The following SDK1 variants were observed in gnomAD, a reference collection of about 807,000 sequenced individuals.
SDK1 encodes sidekick cell adhesion molecule 1.
In SDK1, 157 loss-of-function variants were observed where a neutral mutation model predicts 245.5. The observed-to-expected ratio is 0.64, with a 90% CI of 0.56 to 0.73. The LOEUF (loss-of-function observed/expected upper bound fraction) is 0.73, where lower values mean the gene tolerates loss of function less well. SDK1 is among the 30% of genes least tolerant of loss of function. The pLI is 0.00. For synonymous variants in SDK1, 1,647 were observed against 1,278.5 expected, an observed-to-expected ratio of 1.29 and a Z score of -6.15; for missense variants, 3,583 against 3,002.3, an observed-to-expected ratio of 1.19 and a Z score of -4.52.
intron 4 of SDK1, among the ~76,000 whole-genome samples, chr7:3,658,528 A>G (rs1783258013): frequency 6.6e-6 from 1 of 151,574 alleles, no homozygotes; most frequent in Non-Finnish European, 1.5e-5. Flanking sequence ...TACCTACCGT[A>G]ATGTTCACAT....
intron 13 of SDK1, among the ~76,000 whole-genome samples, chr7:3,975,510 C>A (rs1179124749): frequency 1.3e-5 from 2 of 152,222 alleles, no homozygotes; most frequent in Non-Finnish European, 2.9e-5. Flanking sequence ...AGTATAGGAG[C>A]CGTGACTCAT....
Position 3,509,559 on chromosome 7 carries a change from A to G in SDK1, c.299-109521A>G, listed in dbSNP as rs149949802. The stretch of plus-strand genomic sequence containing the variant: ...GGCCGTTGTGTTACCTCCATTTTAC[A>G]GTTCCCAAAGTGAGACCCAAATAGC... On this transcript the variant is annotated intron_variant, in intron 1 of 44. Coordinates refer to ENST00000404826, the MANE Select transcript of SDK1 (RefSeq NM_152744.4). Among the ~76,000 whole-genome samples, 416 of 152,278 alleles carry G rather than the reference A, an allele frequency of 2.7e-3. 3 individuals carry two copies. Among genetic ancestry groups the G allele is most frequent in the Non-Finnish European group, 4.7e-3 (321 of 68,016 alleles).
At chr7:3,597,357 C>G (rs1781100517) in intron 1 of SDK1, among the ~76,000 whole-genome samples, 1 of 151,874 alleles carries the variant, frequency 6.6e-6, no homozygotes, top group Non-Finnish European at 1.5e-5. Context: ...AAACTTCTCC[C>G]CTTTTGGTCA....
chr7:3,722,718 C>A (rs1257933599), intron 4 of SDK1, among the ~76,000 whole-genome samples: 2 of 152,186 alleles, frequency 1.3e-5, no homozygotes, highest in African/African-American at 4.8e-5. Flanking sequence ...AGTGCCCCAC[C>A]CCCTGGTGCA....
intron 4 of SDK1, among the ~76,000 whole-genome samples, chr7:3,812,644 G>T (rs1410745069): frequency 6.6e-6 from 1 of 152,200 alleles, no homozygotes; most frequent in African/African-American, 2.4e-5. Flanking sequence ...CTAAACTGGT[G>T]GAGGCTTGAC....
chr7:4,009,884 G>A (rs192062601), intron 14 of SDK1, among the ~76,000 whole-genome samples: 48 of 152,324 alleles, frequency 3.2e-4, no homozygotes, highest in African/African-American at 4.8e-5. Context: ...CAATGAGCTC[G>A]CAGGCGCAGA....
chr7:3,907,514 C>T (rs945631218), intron 5 of SDK1, among the ~76,000 whole-genome samples: 5 of 152,164 alleles, frequency 3.3e-5, no homozygotes, highest in South Asian at 2.1e-4. Context: ...TCCACTTGCC[C>T]GTTCATGTAC....
At chr7:4,111,472 G>A (rs1219920931) in intron 23 of SDK1, among the ~76,000 whole-genome samples, 2 of 151,870 alleles carry the variant, frequency 1.3e-5, no homozygotes, top group South Asian at 4.1e-4. Flanking sequence ...ACTAAAAGGT[G>A]AAATTACATC....
intron 41 of SDK1, among the ~76,000 whole-genome samples, chr7:4,237,235 G>T (rs1339971209): frequency 2.6e-5 from 4 of 151,794 alleles, no homozygotes; most frequent in African/African-American, 9.7e-5. Context: ...TGTTTTTTTA[G>T]AGATGGGATC....
intron 1 of SDK1, among the ~76,000 whole-genome samples, chr7:3,606,834 G>C (rs192952305): frequency 6.9e-6 from 1 of 145,718 alleles, no homozygotes; most frequent in Non-Finnish European, 1.5e-5. Flanking sequence ...TATTCTGTAT[G>C]TGTCTTCCTG....
At chr7:3,845,016 A>G (rs1780241721) in intron 5 of SDK1, among the ~76,000 whole-genome samples, 3 of 152,176 alleles carry the variant, frequency 2.0e-5, no homozygotes, top group Admixed American at 1.3e-4. Flanking sequence ...CTACCTGAAA[A>G]ATCTACGCTT....
At chr7:4,083,700 C>CCTTTCCTTCCTCCCTCCCTT (rs1781228795) in intron 22 of SDK1, among the ~76,000 whole-genome samples, 2 of 97,134 alleles carry the variant, frequency 2.1e-5, no homozygotes, top group South Asian at 4.2e-4. Context: ...TTCCCTCCCT[C>CCTTTCCTTCCTCCCTCCCTT]CTTTACTTCC....
intron 1 of SDK1, among the ~76,000 whole-genome samples, chr7:3,472,200 A>C (rs1460669603): frequency 2.0e-5 from 3 of 152,074 alleles, no homozygotes; most frequent in African/African-American, 7.2e-5. Context: ...TTGCATTTCT[A>C]GTTTTTTTAG....
intron 5 of SDK1, among the ~76,000 whole-genome samples, chr7:3,871,289 CATT>C (rs1387880700): frequency 6.6e-6 from 1 of 152,090 alleles, no homozygotes; most frequent in Non-Finnish European, 1.5e-5. Flanking sequence ...TTGCTAAACT[CATT>C]TATTATTTAC....
intron 43 of SDK1, among the ~76,000 whole-genome samples, chr7:4,244,654 G>A (rs895904118): frequency 2.0e-5 from 3 of 152,212 alleles, no homozygotes; most frequent in South Asian, 2.1e-4. Flanking sequence ...TGGGGCAGGA[G>A]TCTGGGCACA....
intron 14 of SDK1, among the ~76,000 whole-genome samples, chr7:3,990,815 G>A (rs1052896523): frequency 1.3e-4 from 20 of 152,184 alleles, no homozygotes; most frequent in South Asian, 2.1e-4. Flanking sequence ...ACCTTCCCCC[G>A]TTTCCATGAA....
At chr7:3,787,146 T>TCACACACACA (rs34838736) in intron 4 of SDK1, among the ~76,000 whole-genome samples, 464 of 137,732 alleles carry the variant, frequency 3.4e-3, no homozygotes, top group African/African-American at 8.4e-3. Context: ...AGTATTGAAA[T>TCACACACACA]CACACACACA....
intron 4 of SDK1, among the ~76,000 whole-genome samples, chr7:3,725,889 GTC>G (rs758806930): frequency 2.0e-5 from 3 of 152,190 alleles, no homozygotes; most frequent in Non-Finnish European, 4.4e-5. Context: ...GTATTGAACA[GTC>G]AATTGATTCT....
intron 4 of SDK1, among the ~76,000 whole-genome samples, chr7:3,776,431 A>T (rs1780564376): frequency 6.6e-6 from 1 of 152,212 alleles, no homozygotes; most frequent in Non-Finnish European, 1.5e-5. Context: ...TGAACAAATT[A>T]TGCAGATTTC....
Sources: allele counts gnomAD v4.1 joint callset (sites outside exome capture counted in the v4.1 genomes callset), GRCh38; gene constraint gnomAD v4.1.1; transcripts MANE v1.5; gene names NCBI Gene and HGNC (gene_info 2026-07-23, HGNC 2026-07-21).